TMEM150A: variants seen among roughly 807,000 people sequenced by gnomAD.
The protein encoded by TMEM150A is transmembrane protein 150A.
Under a neutral mutation model 29.8 loss-of-function variants are expected in TMEM150A, and 18 were observed. The ratio of observed to expected loss-of-function variants is 0.60; its 90% CI spans 0.42 to 0.90. The LOEUF (loss-of-function observed/expected upper bound fraction) is 0.90. TMEM150A is among the 40% of genes least tolerant of loss of function. TMEM150A has a pLI of 0.00. For synonymous variants in TMEM150A, 127 were observed against 143.6 expected (o/e 0.88, Z 0.83); for missense variants, 251 against 349.7 (o/e 0.72, Z 2.25).
Position 85,598,959 on chromosome 2 carries a change from G to A in TMEM150A, c.*117C>T, listed in dbSNP as rs1672770041. The A allele has an allele frequency of 2.1e-6, 3 of 1,439,112 alleles. No homozygotes were observed. The highest frequency in any genetic ancestry group is 4.9e-5 in the Admixed American group (2 of 40,910). 89.1% of individuals were successfully genotyped at this position (1,439,112 alleles called of 1,614,324 possible). A position where few individuals can be genotyped will look rare whatever the true frequency, so the allele number is the denominator to read the frequency against. On this transcript the variant is annotated 3_prime_UTR_variant, in exon 8 of 8. Coordinates refer to ENST00000334462, the MANE Select transcript of TMEM150A (RefSeq NM_001031738.3). ...ATGGGATGGCCACTTCTCCAGAAGT[G>A]AGGAAGCCCAGATCCCAACAGAATA...
At position 85,600,847 on chromosome 2, in the gene TMEM150A, A is replaced by G. The variant is rs1046845652; in HGVS notation, c.200+174T>C. On this transcript the variant is annotated intron_variant, in intron 4 of 7. Coordinates refer to ENST00000334462, the MANE Select transcript of TMEM150A (RefSeq NM_001031738.3). The stretch of plus-strand genomic sequence containing the variant: ...ACTCCTGGGAGGATGAAAAGAGACA[A>G]TGCATATAAAGCACTCAGCAGAGTG... 86 of 600,938 alleles carry G rather than the reference A, an allele frequency of 1.4e-4. 1 individual carries two copies. Among genetic ancestry groups the G allele is most frequent in the South Asian group, 1.4e-3 (65 of 47,882 alleles). 37.2% of individuals were successfully genotyped at this position (600,938 alleles called of 1,614,324 possible).
chr2:85,598,561 C>A lies in TMEM150A; in HGVS notation c.*515G>T, dbSNP rs920221423. 6 of 157,822 alleles carry A rather than the reference C, an allele frequency of 3.8e-5. No homozygotes were observed. The highest frequency in any genetic ancestry group is 2.4e-4 in the Admixed American group (4 of 16,836). 9.8% of individuals were successfully genotyped at this position (157,822 alleles called of 1,614,324 possible). On this transcript the variant is annotated 3_prime_UTR_variant, in exon 8 of 8. Coordinates refer to ENST00000334462, the MANE Select transcript of TMEM150A (RefSeq NM_001031738.3). ...GGCTACAAACATGCAAATTAGAATT[C>A]TTTTAATATAAAAAAAAGTACTAAA...
Position 85,601,270 on chromosome 2 carries a change from G to T in TMEM150A, c.114-163C>A. The T allele has an allele frequency of 1.7e-6, 2 of 1,161,516 alleles. No homozygotes were observed. 72.0% of individuals were successfully genotyped at this position (1,161,516 alleles called of 1,614,324 possible). ...GAAGCAGTAACCAAAGGGGCAAAGG[G>T]ATAGTGGGAAGTGGGTAGGTGGCAA... On this transcript the variant is annotated intron_variant, in intron 3 of 7. Transcript: ENST00000334462. The surrounding 1 kb of genome is among the most constrained non-coding windows in gnomAD (Gnocchi z 4.0).
At chr2:85,600,453 G>A in intron 4 of TMEM150A, 41 bp from the exon 5 acceptor site, 1 of 1,538,578 alleles carries the variant, frequency 6.5e-7, no homozygotes, top group Non-Finnish European at 9.0e-7. Context: ...GGGTGCAGGA[G>A]GCCCGGGGGG....
chr2:85,600,315 C>A, intron 5 of TMEM150A, 30 bp downstream of exon 5: 1 of 1,612,276 alleles, frequency 6.2e-7, no homozygotes, highest in Non-Finnish European at 8.5e-7. Context: ...GGGCTGGGCA[C>A]GCAGGGTCAG....
rs1054897607 is a variant in TMEM150A, at chr2:85,602,209, C to G, written c.-116-145G>C. The stretch of plus-strand genomic sequence containing the variant: ...GCCCACGGCAGAACGTGAACACCCT[C>G]TGGCACTGGGGGCCTCCGCGGTCAA... On this transcript the variant is annotated intron_variant, in intron 1 of 7. Coordinates refer to ENST00000334462, the MANE Select transcript of TMEM150A (RefSeq NM_001031738.3). The surrounding 1 kb of genome is among the most constrained non-coding windows in gnomAD (Gnocchi z 5.6). 9.3e-6 allele frequency: 4 copies of G among 430,644 alleles called. No individual in the cohort carries two copies. The highest frequency in any genetic ancestry group is 1.7e-5 in the Non-Finnish European group (4 of 231,916). 26.7% of individuals were successfully genotyped at this position (430,644 alleles called of 1,614,324 possible).
rs1044158 is a variant in TMEM150A, at chr2:85,599,009, G to C, written c.*67C>G. On this transcript the variant is annotated 3_prime_UTR_variant, in exon 8 of 8. Transcript: ENST00000334462. The surrounding 1 kb of genome is among the most constrained non-coding windows in gnomAD (Gnocchi z 6.0). ...ACTTTCTCAAAATTGTTTTTGGTAC[G>C]AAATAAATGGAAAGAAGATATGGGG... 1 of 1,567,892 alleles carries C rather than the reference G, an allele frequency of 6.4e-7. No homozygotes were observed. Among genetic ancestry groups the C allele is most frequent in the Admixed American group, 1.9e-5 (1 of 53,130 alleles).
Position 85,601,861 on chromosome 2 carries a change from C to G in TMEM150A, c.65+23G>C. Reference sequence around the variant, plus strand: ...GTGCGTCATCAAGCTCCTGTTGCCCCCCGGGCACCCCCCTTTACTCACACA... The same window carrying G: ...GTGCGTCATCAAGCTCCTGTTGCCCGCCGGGCACCCCCCTTTACTCACACA... On this transcript the variant is annotated intron_variant, in intron 2 of 7. Coordinates refer to ENST00000334462, the MANE Select transcript of TMEM150A (RefSeq NM_001031738.3). The surrounding 1 kb of genome is among the most constrained non-coding windows in gnomAD (Gnocchi z 4.0). The G allele has an allele frequency of 6.2e-7, 1 of 1,613,226 alleles. No individual in the cohort carries two copies.
Position 85,599,942 on chromosome 2 carries a change from G to A in TMEM150A, c.345C>T (p.Leu115=). ...CCGCAGCGTTGGTGCAGCCTGTGAT[G>A]AGTGCCGTGGTGTTAACCCAAGAGT... The part of the protein sequence containing the change: ...SRHSWVNTTA[L]ITGCTNAAGL... The change falls in exon 6 of 8, where the codon CTC becomes CTT. Residue 115 remains leucine, a synonymous_variant. Coordinates refer to ENST00000334462, the MANE Select transcript of TMEM150A (RefSeq NM_001031738.3). This position sits in a 1 kb window ranked among gnomAD's most constrained non-coding sequence, Gnocchi z 6.0. The A allele has an allele frequency of 6.2e-7, 1 of 1,613,452 alleles. No homozygotes were observed. Among genetic ancestry groups the A allele is most frequent in the Non-Finnish European group, 8.5e-7 (1 of 1,179,990 alleles).
In TMEM150A at chr2:85,599,970, C is replaced by G. The variant is rs145976145; in HGVS notation, c.317G>C (p.Arg106Pro). The change falls in exon 6 of 8, where the codon CGG becomes CCG. Residue 106 changes from arginine (R) to proline (P), a missense_variant. By Grantham distance (103) the Arg-to-Pro change is moderately radical (BLOSUM62 -2). Transcript: ENST00000334462. This position sits in a 1 kb window ranked among gnomAD's most constrained non-coding sequence, Gnocchi z 6.0. Reference protein sequence around the residue: ...LRYGQLLEQSRHSWVNTTALI... With the variant: ...LRYGQLLEQSPHSWVNTTALI... ...TGCCGTGGTGTTAACCCAAGAGTGCCGACTCTGCTCCAGGAGCTGCCCGTA... is the reference window on the plus strand; with the variant it reads ...TGCCGTGGTGTTAACCCAAGAGTGCGGACTCTGCTCCAGGAGCTGCCCGTA... 6.2e-7 allele frequency: 1 copy of G among 1,613,198 alleles called. No individual in the cohort carries two copies. The highest frequency in any genetic ancestry group is 8.5e-7 in the Non-Finnish European group (1 of 1,179,996).
At position 85,601,113 on chromosome 2, in the gene TMEM150A, A is replaced by G; in HGVS notation, c.114-6T>C. 1 of 1,612,428 alleles carries G rather than the reference A, an allele frequency of 6.2e-7. No homozygotes were observed. Among genetic ancestry groups the G allele is most frequent in the Non-Finnish European group, 8.5e-7 (1 of 1,179,496 alleles). ...GGCAGGACTCGTTGTAGGACCTGGC[A>G]GGCAGGACAGGGAGTAGACTGGGGG... is the stretch of plus-strand genomic sequence containing the variant. On this transcript the variant is annotated splice_region_variant and splice_polypyrimidine_tract_variant and intron_variant, in intron 3 of 7. Transcript: ENST00000334462. The surrounding 1 kb of genome is among the most constrained non-coding windows in gnomAD (Gnocchi z 4.0).
chr2:85,599,614 G>A lies in TMEM150A; in HGVS notation c.485C>T (p.Ser162Phe), dbSNP rs773627828. The change falls in exon 7 of 8, where the codon TCC (serine) becomes TTC (phenylalanine). Residue 162 changes from serine (S) to phenylalanine (F), a missense_variant. Ser to Phe is a radical substitution (Grantham distance 155, BLOSUM62 -2). Coordinates refer to ENST00000334462, the MANE Select transcript of TMEM150A (RefSeq NM_001031738.3). This position sits in a 1 kb window ranked among gnomAD's most constrained non-coding sequence, Gnocchi z 6.0. ...LLFVCLHCAL[S>F]YQGATAPLDL... ...CAGCGGGGCGGTGGCCCCTTGGTAG[G>A]AGAGAGCACAGTGCAGGCAAACAAA... The A allele has an allele frequency of 1.9e-6, 3 of 1,613,732 alleles. No homozygotes were observed. In the African/African-American group the frequency reaches 4.0e-5, roughly 22 times the overall value.
chr2:85,599,913 A>G lies in TMEM150A; in HGVS notation c.374T>C (p.Leu125Pro), dbSNP rs1160792706. 1 of 1,613,286 alleles carries G rather than the reference A, an allele frequency of 6.2e-7. No homozygotes were observed. Among genetic ancestry groups the G allele is most frequent in the Non-Finnish European group, 8.5e-7 (1 of 1,180,022 alleles). The change falls in exon 6 of 8, where the codon CTC (leucine) becomes CCC (proline). Residue 125 changes from leucine to proline, a missense_variant. Leu to Pro is a moderately conservative substitution (Grantham distance 98). Coordinates refer to ENST00000334462, the MANE Select transcript of TMEM150A (RefSeq NM_001031738.3). The surrounding 1 kb of genome is among the most constrained non-coding windows in gnomAD (Gnocchi z 6.0). Reference protein sequence around the residue: ...LITGCTNAAGLLVVGNFQVDH... With the variant: ...LITGCTNAAGPLVVGNFQVDH... ...CACCTGAAAGTTGCCAACCACCAAG[A>G]GGCCCGCAGCGTTGGTGCAGCCTGT...
rs1395589248 is a variant in TMEM150A at position 85,601,716 on chromosome 2, G to A, written c.65+168C>T. The A allele has an allele frequency of 1.1e-6, 1 of 913,730 alleles. No individual in the cohort carries two copies. Among genetic ancestry groups the A allele is most frequent in the East Asian group, 2.4e-5 (1 of 41,294 alleles). 56.6% of individuals were successfully genotyped at this position (913,730 alleles called of 1,614,324 possible). On this transcript the variant is annotated intron_variant, in intron 2 of 7. Transcript: ENST00000334462. This position sits in a 1 kb window ranked among gnomAD's most constrained non-coding sequence, Gnocchi z 4.0. Reference sequence around the variant, plus strand: ...GTATATTTGTCAGGGCCACCCTGCTGGACAGCAGTGGTGCCAGCTTGTCCC... The same window carrying A: ...GTATATTTGTCAGGGCCACCCTGCTAGACAGCAGTGGTGCCAGCTTGTCCC...
chr2:85,602,094 G>A lies in TMEM150A; in HGVS notation c.-116-30C>T, dbSNP rs2104109161. 2 of 709,148 alleles carry A rather than the reference G, an allele frequency of 2.8e-6. No homozygotes were observed. The highest frequency in any genetic ancestry group is 5.2e-5 in the East Asian group (2 of 38,672). 43.9% of individuals were successfully genotyped at this position (709,148 alleles called of 1,614,324 possible). A position where few individuals can be genotyped will look rare whatever the true frequency, so the allele number is the denominator to read the frequency against. On this transcript the variant is annotated intron_variant, in intron 1 of 7. Transcript: ENST00000334462. This position sits in a 1 kb window ranked among gnomAD's most constrained non-coding sequence, Gnocchi z 5.6. The stretch of plus-strand genomic sequence containing the variant: ...TGGAGAGAGATCAAAGTCCAGGAGT[G>A]GGTAACTGGCCGGGAAGGGGGAGGG...
In TMEM150A at chr2:85,602,071, G is replaced by A. The variant is rs1227585066; in HGVS notation, c.-116-7C>T. ...AACCATCAGCTGTCCTGGCCTGGTG[G>A]AGAGAGATCAAAGTCCAGGAGTGGG... On this transcript the variant is annotated splice_region_variant and splice_polypyrimidine_tract_variant and intron_variant, in intron 1 of 7. Transcript: ENST00000334462. The surrounding 1 kb of genome is among the most constrained non-coding windows in gnomAD (Gnocchi z 5.6). 4.6e-6 allele frequency: 4 copies of A among 871,108 alleles called. No individual in the cohort carries two copies. The highest frequency in any genetic ancestry group is 7.6e-6 in the Non-Finnish European group (4 of 524,574). 54.0% of individuals were successfully genotyped at this position (871,108 alleles called of 1,614,324 possible). A position where few individuals can be genotyped will look rare whatever the true frequency, so the allele number is the denominator to read the frequency against.
In TMEM150A at chr2:85,601,731, C is replaced by T; in HGVS notation, c.65+153G>A. ...CCACCCTGCTGGACAGCAGTGGTGC[C>T]AGCTTGTCCCAAGGGGCTGTGTGCC... is the stretch of plus-strand genomic sequence containing the variant. On this transcript the variant is annotated intron_variant, in intron 2 of 7. Coordinates refer to ENST00000334462, the MANE Select transcript of TMEM150A (RefSeq NM_001031738.3). The surrounding 1 kb of genome is among the most constrained non-coding windows in gnomAD (Gnocchi z 4.0). 1 of 972,062 alleles carries T rather than the reference C, an allele frequency of 1.0e-6. No individual in the cohort carries two copies. The highest frequency in any genetic ancestry group is 1.6e-6 in the Non-Finnish European group (1 of 628,676). 60.2% of individuals were successfully genotyped at this position (972,062 alleles called of 1,614,324 possible). A position where few individuals can be genotyped will look rare whatever the true frequency, so the allele number is the denominator to read the frequency against.
Position 85,601,858 on chromosome 2 carries a change from C to A in TMEM150A, c.65+26G>T, listed in dbSNP as rs1238534728. ...TGTGTGCGTCATCAAGCTCCTGTTG[C>A]CCCCCGGGCACCCCCCTTTACTCAC... On this transcript the variant is annotated intron_variant, in intron 2 of 7. Coordinates refer to ENST00000334462, the MANE Select transcript of TMEM150A (RefSeq NM_001031738.3). The surrounding 1 kb of genome is among the most constrained non-coding windows in gnomAD (Gnocchi z 4.0). 1 of 1,611,358 alleles carries A rather than the reference C, an allele frequency of 6.2e-7. No homozygotes were observed. Among genetic ancestry groups the A allele is most frequent in the African/African-American group, 1.3e-5 (1 of 74,658 alleles).
chr2:85,600,654 T>G, intron 4 of TMEM150A: 1 of 566,030 alleles, frequency 1.8e-6, no homozygotes, highest in Admixed American at 3.1e-5. Context: ...TGACACTCTT[T>G]GCTGAGCCCT....
Sources: allele counts gnomAD v4.1 joint callset, GRCh38; gene constraint gnomAD v4.1.1; non-coding constraint Gnocchi (gnomAD v3.1); transcripts MANE v1.5; gene names NCBI Gene and HGNC (gene_info 2026-07-23, HGNC 2026-07-21).